Variants in PCDH15 observed in about 807,000 individuals in gnomAD.
PCDH15 encodes the protein protocadherin related 15, also known as protocadherin-15.
Under a neutral mutation model 178.5 loss-of-function variants are expected in PCDH15, and 129 were observed. The observed-to-expected ratio is 0.72, with a 90% CI of 0.63 to 0.84. The LOEUF (loss-of-function observed/expected upper bound fraction) is 0.84. Among genes scored for constraint, PCDH15 ranks in the 40% least tolerant of loss-of-function variants. PCDH15 has a pLI of 0.00. For missense variants in PCDH15, 2,230 were observed against 2,099.9 expected (o/e 1.06, Z -1.21); for synonymous variants, 800 against 732.0 (o/e 1.09, Z -1.50).
chr10:54,538,324 A>G (rs1433958313), intron 2 of PCDH15, among the ~76,000 whole-genome samples: 2 of 152,122 alleles, frequency 1.3e-5, no homozygotes, highest in Non-Finnish European at 2.9e-5. Flanking sequence ...TTAATTCTGT[A>G]TGTGGCTAGC....
At chr10:55,578,465 C>T (rs765932071) in intron 2 of PCDH15, among the ~76,000 whole-genome samples, 4 of 152,028 alleles carry the variant, frequency 2.6e-5, no homozygotes, top group African/African-American at 4.8e-5. Context: ...ACGATGCGCC[C>T]GCCTCCGCCT....
intron 3 of PCDH15, among the ~76,000 whole-genome samples, chr10:54,809,789 A>C (rs1952834929): frequency 1.3e-5 from 2 of 152,180 alleles, no homozygotes; most frequent in African/African-American, 4.8e-5. Flanking sequence ...GAACAAAAAA[A>C]AACTTTGTTG....
chr10:54,250,356 C>T (rs1054787391), intron 8 of PCDH15, among the ~76,000 whole-genome samples: 23 of 146,020 alleles, frequency 1.6e-4, no homozygotes, highest in African/African-American at 2.6e-5. Flanking sequence ...AATCTCGGCT[C>T]ACTGCAAGCT....
intron 2 of PCDH15, among the ~76,000 whole-genome samples, chr10:55,347,978 C>T (rs934082128): frequency 6.6e-6 from 1 of 151,904 alleles, no homozygotes; most frequent in Non-Finnish European, 1.5e-5. Context: ...TAAGTCAAAA[C>T]AAGGTCTTTG....
intron 2 of PCDH15, among the ~76,000 whole-genome samples, chr10:54,927,681 T>C (rs940388266): frequency 3.9e-5 from 6 of 152,190 alleles, no homozygotes; most frequent in African/African-American, 1.2e-4. Flanking sequence ...ACCTTTACCA[T>C]TAAGTAATGC....
intron 3 of PCDH15, among the ~76,000 whole-genome samples, chr10:54,455,665 A>G (rs1239696933): frequency 6.6e-6 from 1 of 152,196 alleles, no homozygotes; most frequent in Non-Finnish European, 1.5e-5. Context: ...GAGAGAAAAG[A>G]AAATCTCATT....
rs79016990 is a variant in PCDH15 at position 54,019,575 on chromosome 10, C to T, written c.2751+617G>A. ...CTTCTTCTCATATCTACTTTTGTCT[C>T]TTAAAAATCACTAGAAATTCAAAAA... is the stretch of plus-strand genomic sequence containing the variant. On this transcript the variant is annotated intron_variant, in intron 20 of 37. Coordinates refer to ENST00000644397, the MANE Select transcript of PCDH15 (RefSeq NM_001384140.1). 6.8e-4 allele frequency among the ~76,000 whole-genome samples: 103 copies of T among 152,148 alleles called. 5 individuals are homozygous for T. The East Asian group carries it at 0.017, about 26-fold the overall frequency.
intron 8 of PCDH15, among the ~76,000 whole-genome samples, chr10:54,248,495 T>C (rs1213890091): frequency 6.6e-6 from 1 of 152,054 alleles, no homozygotes; most frequent in Non-Finnish European, 1.5e-5. Flanking sequence ...TCTTAATTTG[T>C]TAACATTCAG....
At chr10:55,066,044 T>A (rs1433891249) in intron 2 of PCDH15, among the ~76,000 whole-genome samples, 1 of 152,000 alleles carries the variant, frequency 6.6e-6, no homozygotes, top group Non-Finnish European at 1.5e-5. Context: ...TTTACACATT[T>A]ATTTTTGTTC....
intron 2 of PCDH15, among the ~76,000 whole-genome samples, chr10:55,528,732 G>C (rs968857592): frequency 6.6e-6 from 1 of 152,050 alleles, no homozygotes; most frequent in East Asian, 1.9e-4. Flanking sequence ...AATCCCTTGG[G>C]TATATACCCA....
chr10:54,817,462 T>C (rs1475732095), intron 3 of PCDH15, among the ~76,000 whole-genome samples: 1 of 151,998 alleles, frequency 6.6e-6, no homozygotes, highest in African/African-American at 2.4e-5. Context: ...CTATCAATTG[T>C]TTCAATGCCG....
chr10:54,270,603 T>C lies in PCDH15; in HGVS notation c.877-33672A>G, dbSNP rs539844331. Among the ~76,000 whole-genome samples, 140 of 152,252 alleles carry C rather than the reference T, an allele frequency of 9.2e-4. 1 individual carries two copies. Among genetic ancestry groups the C allele is most frequent in the Middle Eastern group, 6.8e-3 (2 of 294 alleles). ...TTGCTTGTTTTGAAAGATCTAGATA[T>C]AGTCTAATGAGAGTTGTATAAATGT... On this transcript the variant is annotated intron_variant, in intron 8 of 37. Coordinates refer to ENST00000644397, the MANE Select transcript of PCDH15 (RefSeq NM_001384140.1).
chr10:53,970,922 C>T (rs2089616763), intron 21 of PCDH15, among the ~76,000 whole-genome samples: 1 of 152,100 alleles, frequency 6.6e-6, no homozygotes, highest in Non-Finnish European at 1.5e-5. Flanking sequence ...AGAAGGAATC[C>T]TCCCTAACTC....
chr10:54,060,128 T>G (rs1221826239), intron 18 of PCDH15, among the ~76,000 whole-genome samples: 1 of 152,254 alleles, frequency 6.6e-6, no homozygotes, highest in Non-Finnish European at 1.5e-5. Context: ...TGCATATATA[T>G]GTTCATGTAC....
intron 3 of PCDH15, among the ~76,000 whole-genome samples, chr10:54,469,642 C>A (rs917208899): frequency 6.6e-6 from 1 of 152,162 alleles, no homozygotes; most frequent in Non-Finnish European, 1.5e-5. Context: ...CATACACTAG[C>A]ACTGGTGTCA....
intron 2 of PCDH15, among the ~76,000 whole-genome samples, chr10:55,327,113 T>C (rs1288558778): frequency 6.6e-6 from 1 of 152,008 alleles, no homozygotes; most frequent in Non-Finnish European, 1.5e-5. Context: ...ATGATTAGGA[T>C]GTAGGACCAG....
intron 37 of PCDH15, 75 bp from the exon 38 acceptor site, chr10:53,807,205 T>G (rs926394499): frequency 8.3e-7 from 1 of 1,206,848 alleles, no homozygotes; most frequent in Non-Finnish European, 1.1e-6. Context: ...GCCTGTGAAA[T>G]CCAAAACAAT....
At chr10:54,335,882 G>A (rs1310619034) in intron 6 of PCDH15, among the ~76,000 whole-genome samples, 3 of 152,174 alleles carry the variant, frequency 2.0e-5, no homozygotes, top group Admixed American at 2.0e-4. Flanking sequence ...GGAGGGCTCA[G>A]AAGGACAGGA....
chr10:54,654,525 A>G (rs963149699), intron 2 of PCDH15, among the ~76,000 whole-genome samples: 14 of 152,212 alleles, frequency 9.2e-5, no homozygotes, highest in Non-Finnish European at 1.6e-4. Flanking sequence ...TGGAAGCCAT[A>G]GAGAGTGCAC....
Sources: gnomAD v4.1 joint callset for allele counts (sites outside exome capture counted in the v4.1 genomes callset) on GRCh38, gnomAD v4.1.1 for gene constraint, MANE v1.5 for transcripts, NCBI Gene and HGNC (gene_info 2026-07-23, HGNC 2026-07-21) for gene names.